SLIT2: variants seen among roughly 807,000 people sequenced by gnomAD.
SLIT2 encodes slit homolog 2 protein.
A neutral mutation model predicts 185.7 loss-of-function variants in SLIT2; 41 were observed. That is an observed-to-expected ratio of 0.22 (90% CI 0.17 to 0.29). SLIT2 has a LOEUF of 0.29. Among genes scored for constraint, SLIT2 ranks in the 10% least tolerant of loss-of-function variants. The pLI, the probability that SLIT2 is intolerant of heterozygous loss-of-function variation, is 1.00. For synonymous variants in SLIT2, 693 were observed against 680.2 expected (o/e 1.02, Z -0.29); for missense variants, 1,571 against 1,909.0 (o/e 0.82, Z 3.30).
At chr4:20,590,271 T>C (rs1727417381) in intron 30 of SLIT2, among the ~76,000 whole-genome samples, 1 of 152,204 alleles carries the variant, frequency 6.6e-6, no homozygotes, top group South Asian at 2.1e-4. Context: ...ATGATTTTTT[T>C]TGTGAAGTCA....
At chr4:20,471,450 C>T (rs1458985431) in intron 5 of SLIT2, among the ~76,000 whole-genome samples, 1 of 152,076 alleles carries the variant, frequency 6.6e-6, no homozygotes, top group East Asian at 1.9e-4. Flanking sequence ...AGGTACAGTA[C>T]TTCATCCCAT....
intron 4 of SLIT2, among the ~76,000 whole-genome samples, chr4:20,396,556 G>T (rs1725909857): frequency 6.6e-6 from 1 of 151,712 alleles, no homozygotes; most frequent in African/African-American, 2.4e-5. Flanking sequence ...AATAAGTACA[G>T]ATAAGTGAAA....
intron 32 of SLIT2, among the ~76,000 whole-genome samples, chr4:20,597,422 A>C (rs1385972331): frequency 1.3e-5 from 2 of 152,184 alleles, no homozygotes; most frequent in Non-Finnish European, 2.9e-5. Flanking sequence ...CATGAAATTA[A>C]CAAACTCAAA....
At position 20,335,420 on chromosome 4, in the gene SLIT2, A is replaced by G. The variant is rs570767669; in HGVS notation, c.395+66539A>G. ...TTATTCAATGAATGTTTGAAATGTT[A>G]CAATGCCATATAAATGATTACCTTT... On this transcript the variant is annotated intron_variant, in intron 4 of 36. Coordinates refer to ENST00000504154, the MANE Select transcript of SLIT2 (RefSeq NM_004787.4). 2.6e-5 allele frequency among the ~76,000 whole-genome samples: 4 copies of G among 152,338 alleles called. No homozygotes were observed. The East Asian group carries it at 7.7e-4, about 29-fold the overall frequency.
intron 4 of SLIT2, among the ~76,000 whole-genome samples, chr4:20,333,172 G>A (rs901606721): frequency 3.3e-5 from 5 of 152,088 alleles, no homozygotes; most frequent in Non-Finnish European, 7.4e-5. Context: ...AAGCCGTTAA[G>A]CTTTATAGCG....
At position 20,568,905 on chromosome 4, in the gene SLIT2, G is replaced by A. The variant is rs1725324457; in HGVS notation, c.2989G>A (p.Val997Ile). 1.9e-6 allele frequency: 3 copies of A among 1,612,446 alleles called. No individual in the cohort carries two copies. Among genetic ancestry groups the A allele is most frequent in the Non-Finnish European group, 2.5e-6 (3 of 1,178,810 alleles). The stretch of plus-strand genomic sequence containing the variant: ...TGGATTTGAAGGAGAAAATTGTGAA[G>A]TCAACGTTGATGATTGTGAAGATAA... ...ADGFEGENCE[V>I]NVDDCEDNDC... Residue 997 changes from valine to isoleucine, a missense_variant, in exon 29 of 37, where the codon GTC (valine) becomes ATC (isoleucine). Physicochemically the swap from Val to Ile is conservative, Grantham distance 29. Transcript: ENST00000504154.
intron 30 of SLIT2, among the ~76,000 whole-genome samples, chr4:20,590,446 A>G (rs1727433873): frequency 1.3e-5 from 2 of 152,196 alleles, no homozygotes; most frequent in South Asian, 2.1e-4. Flanking sequence ...GTCTGAAACA[A>G]TGATTGGACT....
At chr4:20,386,446 A>G (rs1280760465) in intron 4 of SLIT2, among the ~76,000 whole-genome samples, 1 of 152,190 alleles carries the variant, frequency 6.6e-6, no homozygotes, top group Admixed American at 6.5e-5. Context: ...TTCTTAAACT[A>G]TCTTAAACAT....
intron 4 of SLIT2, among the ~76,000 whole-genome samples, chr4:20,389,535 T>G (rs1397433773): frequency 4.2e-5 from 6 of 143,884 alleles, no homozygotes; most frequent in Admixed American, 6.9e-5. Flanking sequence ...TGTTATGTGT[T>G]TTTTTTTTTA....
intron 4 of SLIT2, among the ~76,000 whole-genome samples, chr4:20,321,263 C>T (rs1040536814): frequency 6.6e-6 from 1 of 152,244 alleles, no homozygotes; most frequent in Non-Finnish European, 1.5e-5. Flanking sequence ...CTACACATCA[C>T]TCAGTCATTG....
chr4:20,322,906 A>G (rs993486540), intron 4 of SLIT2, among the ~76,000 whole-genome samples: 18 of 152,276 alleles, frequency 1.2e-4, no homozygotes, highest in Admixed American at 7.8e-4. Context: ...TCTTAGGGAC[A>G]CTGTTTGTAA....
At chr4:20,288,614 T>C (rs1190360613) in intron 4 of SLIT2, among the ~76,000 whole-genome samples, 1 of 152,124 alleles carries the variant, frequency 6.6e-6, no homozygotes, top group East Asian at 1.9e-4. Flanking sequence ...ACATAAAACA[T>C]TGAAGTATAC....
At chr4:20,464,183 T>C (rs558805347) in intron 4 of SLIT2, among the ~76,000 whole-genome samples, 4 of 152,172 alleles carry the variant, frequency 2.6e-5, no homozygotes, top group Non-Finnish European at 5.9e-5. Flanking sequence ...CTCATTGTCT[T>C]TTCCCCTGCT....
chr4:20,580,283 G>A (rs1002111116), intron 29 of SLIT2, among the ~76,000 whole-genome samples: 2 of 150,994 alleles, frequency 1.3e-5, no homozygotes, highest in Non-Finnish European at 2.9e-5. Flanking sequence ...GGTGATCCAC[G>A]CACCTCGGCC....
chr4:20,299,252 T>C (rs1716809366), intron 4 of SLIT2, among the ~76,000 whole-genome samples: 1 of 152,168 alleles, frequency 6.6e-6, no homozygotes, highest in African/African-American at 2.4e-5. Context: ...AAGCACTGTA[T>C]TGCTTTATCA....
At chr4:20,583,576 C>G (rs1461437722) in intron 29 of SLIT2, among the ~76,000 whole-genome samples, 1 of 152,066 alleles carries the variant, frequency 6.6e-6, no homozygotes, top group Non-Finnish European at 1.5e-5. Flanking sequence ...CTTTGGGAGG[C>G]TGAGGTGGGT....
chr4:20,492,086 G>A (rs1024176832), intron 9 of SLIT2, among the ~76,000 whole-genome samples, 187 bp downstream of exon 9: 2 of 152,154 alleles, frequency 1.3e-5, no homozygotes, highest in East Asian at 1.9e-4. Context: ...TGGCTGTGAT[G>A]TTTTTTCTTC....
intron 9 of SLIT2, among the ~76,000 whole-genome samples, chr4:20,497,945 G>C (rs140273546): frequency 0.013 from 2,004 of 151,512 alleles, 27 homozygotes; most frequent in South Asian, 0.074. Context: ...AGGCCGAGGC[G>C]GGCAGATCAC....
chr4:20,316,051 C>A (rs564154130), intron 4 of SLIT2, among the ~76,000 whole-genome samples: 4 of 152,118 alleles, frequency 2.6e-5, no homozygotes, highest in African/African-American at 9.6e-5. Context: ...TCCCTCTGGC[C>A]TCCTCCCAGA....
Sources: gnomAD v4.1 joint callset for allele counts (sites outside exome capture counted in the v4.1 genomes callset) on GRCh38, gnomAD v4.1.1 for gene constraint, MANE v1.5 for transcripts, NCBI Gene and HGNC (gene_info 2026-07-23, HGNC 2026-07-21) for gene names.